The following MBNL2 variants were observed in gnomAD, a reference collection of about 807,000 sequenced individuals.
The protein encoded by MBNL2 is muscleblind like splicing regulator 2.
In MBNL2, 17 loss-of-function variants were observed where a neutral mutation model predicts 41.9. That is an observed-to-expected ratio of 0.41 (90% CI 0.28 to 0.61). The LOEUF is 0.61. Ranked by LOEUF, MBNL2 falls within the 20% of genes least tolerant of loss-of-function variation. The pLI, the probability that MBNL2 is intolerant of heterozygous loss-of-function variation, is 0.35. For synonymous variants in MBNL2, 195 were observed against 182.9 expected (o/e 1.07, Z -0.53); for missense variants, 336 against 505.6 (o/e 0.66, Z 3.22).
the MBNL2 span, among the ~76,000 whole-genome samples, chr13:97,190,248 T>C: frequency 6.6e-6 from 1 of 152,196 alleles, no homozygotes; most frequent in Non-Finnish European, 1.5e-5. Flanking sequence ...CCTTGTTCTG[T>C]GTAAATAAAT....
chr13:97,345,825 A>G (rs1219315904), intron 4 of MBNL2, among the ~76,000 whole-genome samples: 4 of 111,748 alleles, frequency 3.6e-5, no homozygotes, highest in Non-Finnish European at 5.0e-5. Flanking sequence ...TTCTTTTTGT[A>G]CAGCTATGAC....
chr13:97,212,075 A>G, the MBNL2 span, among the ~76,000 whole-genome samples: 1 of 152,148 alleles, frequency 6.6e-6, no homozygotes, highest in African/African-American at 2.4e-5. Context: ...TTGAAGAAAG[A>G]CAGGCAGAAG....
Position 97,391,531 on chromosome 13 carries a change from T to C in MBNL2, c.*82T>C, listed in dbSNP as rs1444282471. The stretch of plus-strand genomic sequence containing the variant: ...TCATATATGAGTATTAAATATGGTA[T>C]GCTTAGTATATTCCAACCTAAGATA... On this transcript the variant is annotated 3_prime_UTR_variant, in exon 9 of 9. Transcript: ENST00000679496. The C allele has an allele frequency of 4.0e-6, 3 of 745,660 alleles. No homozygotes were observed. The highest frequency in any genetic ancestry group is 7.2e-6 in the Non-Finnish European group (3 of 413,794). 46.2% of individuals were successfully genotyped at this position (745,660 alleles called of 1,614,324 possible). A position where few individuals can be genotyped will look rare whatever the true frequency, so the allele number is the denominator to read the frequency against.
At chr13:97,341,610 A>C (rs1006911542) in intron 3 of MBNL2, among the ~76,000 whole-genome samples, 3 of 152,128 alleles carry the variant, frequency 2.0e-5, no homozygotes, top group African/African-American at 4.8e-5. Flanking sequence ...AGCCATAGAG[A>C]TCTAACAGCA....
At chr13:97,205,420 C>T in the MBNL2 span, among the ~76,000 whole-genome samples, 2 of 151,748 alleles carry the variant, frequency 1.3e-5, no homozygotes, top group African/African-American at 4.8e-5. Flanking sequence ...AAAGATAATT[C>T]AGTGGTTTCT....
upstream of MBNL2, among the ~76,000 whole-genome samples, chr13:97,219,432 C>A (rs575470336): frequency 3.5e-4 from 54 of 152,298 alleles, no homozygotes; most frequent in African/African-American, 1.2e-3. Context: ...CTGCCATAGA[C>A]TGGGTGGCTT....
chr13:97,224,319 T>G (rs1050548926), intron 1 of MBNL2, among the ~76,000 whole-genome samples: 6 of 152,090 alleles, frequency 3.9e-5, no homozygotes, highest in African/African-American at 1.4e-4. Flanking sequence ...AATCATCATG[T>G]CCTAGCACAG....
At chr13:97,317,867 T>C (rs576140870) in intron 2 of MBNL2, among the ~76,000 whole-genome samples, 14 of 152,254 alleles carry the variant, frequency 9.2e-5, no homozygotes, top group Non-Finnish European at 1.8e-4. Context: ...ATATTACTTA[T>C]TACCATGCTT....
At chr13:97,356,718 TG>T (rs1211450343) in intron 5 of MBNL2, 77 bp from the exon 6 acceptor site, 1 of 790,680 alleles carries the variant, frequency 1.3e-6, no homozygotes, top group Non-Finnish European at 2.0e-6. Flanking sequence ...CACCTCTGCT[TG>T]CTGTTTACCT....
At chr13:97,192,076 G>A in the MBNL2 span, among the ~76,000 whole-genome samples, 6 of 152,160 alleles carry the variant, frequency 3.9e-5, no homozygotes, top group East Asian at 1.9e-4. Context: ...CCCCAGGCCT[G>A]TTACTGTGGC....
the MBNL2 span, among the ~76,000 whole-genome samples, chr13:97,160,603 C>T: frequency 6.6e-6 from 1 of 152,066 alleles, no homozygotes; most frequent in African/African-American, 2.4e-5. Context: ...TAAAATTAGG[C>T]AGGGAAGCCC....
intron 2 of MBNL2, among the ~76,000 whole-genome samples, chr13:97,289,041 C>T (rs2055256258): frequency 6.6e-6 from 1 of 152,116 alleles, no homozygotes; most frequent in African/African-American, 2.4e-5. Flanking sequence ...CTAGTTAAAG[C>T]AAAACAGAAT....
chr13:97,301,642 G>A (rs2057630413), intron 2 of MBNL2, among the ~76,000 whole-genome samples: 1 of 152,184 alleles, frequency 6.6e-6, no homozygotes, highest in African/African-American at 2.4e-5. Flanking sequence ...TGCAGGAAGT[G>A]CTGTATCATG....
chr13:97,233,885 C>T (rs1324402583), intron 1 of MBNL2, among the ~76,000 whole-genome samples: 1 of 152,122 alleles, frequency 6.6e-6, no homozygotes, highest in African/African-American at 2.4e-5. Context: ...TGGGAAGACA[C>T]ATTAGAGTCA....
intron 2 of MBNL2, among the ~76,000 whole-genome samples, chr13:97,333,294 T>C (rs2060576802): frequency 6.6e-6 from 1 of 152,210 alleles, no homozygotes; most frequent in Admixed American, 6.5e-5. Context: ...CAATTGGTAG[T>C]TTTGAAAACT....
At chr13:97,269,115 G>A (rs1198237597) in intron 1 of MBNL2, among the ~76,000 whole-genome samples, 2 of 152,188 alleles carry the variant, frequency 1.3e-5, no homozygotes, top group Non-Finnish European at 2.9e-5. Context: ...ATAATCGGGG[G>A]CAACTACTCC....
At chr13:97,207,905 C>T in the MBNL2 span, among the ~76,000 whole-genome samples, 3 of 152,200 alleles carry the variant, frequency 2.0e-5, no homozygotes, top group Non-Finnish European at 4.4e-5. Flanking sequence ...AACAAAGGGG[C>T]TACAGGCCCC....
the MBNL2 span, among the ~76,000 whole-genome samples, chr13:97,159,935 T>C: frequency 1.3e-5 from 2 of 152,154 alleles, no homozygotes; most frequent in African/African-American, 4.8e-5. Flanking sequence ...TGAATCTGAA[T>C]GTTGGCCTGC....
chr13:97,269,743 G>A (rs1470001949), intron 1 of MBNL2, among the ~76,000 whole-genome samples: 1 of 152,138 alleles, frequency 6.6e-6, no homozygotes, highest in East Asian at 1.9e-4. Flanking sequence ...GGCGGTGTGA[G>A]AAGTGAAGCC....
Sources: gnomAD v4.1 joint callset for allele counts (sites outside exome capture counted in the v4.1 genomes callset) on GRCh38, gnomAD v4.1.1 for gene constraint, MANE v1.5 for transcripts, NCBI Gene and HGNC (gene_info 2026-07-23, HGNC 2026-07-21) for gene names.